PARD3B: variants seen among roughly 807,000 people sequenced by gnomAD.
The protein encoded by PARD3B is partitioning defective 3 homolog B.
Under a neutral mutation model 130.2 loss-of-function variants are expected in PARD3B, and 103 were observed. The ratio of observed to expected loss-of-function variants is 0.79; its 90% CI spans 0.67 to 0.93. PARD3B has a LOEUF of 0.93. PARD3B is among the 40% of genes least tolerant of loss of function. The pLI is 0.00. For synonymous variants in PARD3B, 583 were observed against 553.2 expected, an observed-to-expected ratio of 1.05 and a Z score of -0.76; for missense variants, 1,609 against 1,499.2, an observed-to-expected ratio of 1.07 and a Z score of -1.21.
intron 20 of PARD3B, among the ~76,000 whole-genome samples, chr2:205,491,275 A>G (rs1444636059): frequency 1.3e-5 from 2 of 152,106 alleles, no homozygotes; most frequent in East Asian, 3.9e-4. Context: ...ATCTTGAATT[A>G]ATTTTTGTAT....
In PARD3B at chr2:205,011,841, T is replaced by C. The variant is rs778292859; in HGVS notation, c.395-35740T>C. ...GCATCACACTCAGCCTCTGCAGTTA[T>C]GCCTGGCATCATTTAGATCAGAATT... is the stretch of plus-strand genomic sequence containing the variant. On this transcript the variant is annotated intron_variant, in intron 3 of 22. Coordinates refer to ENST00000406610, the MANE Select transcript of PARD3B (RefSeq NM_001302769.2). This position sits in a 1 kb window ranked among gnomAD's most constrained non-coding sequence, Gnocchi z 4.1. Among the ~76,000 whole-genome samples, 14 of 152,032 alleles carry C rather than the reference T, an allele frequency of 9.2e-5. No homozygotes were observed. The highest frequency in any genetic ancestry group is 1.9e-4 in the East Asian group (1 of 5,170).
chr2:204,830,153 TGG>T (rs1256392260), intron 2 of PARD3B, among the ~76,000 whole-genome samples: 2 of 152,174 alleles, frequency 1.3e-5, no homozygotes, highest in Non-Finnish European at 2.9e-5. Flanking sequence ...GTGTAGCCTG[TGG>T]AACCGTAAGT....
chr2:204,710,059 CCTGT>C (rs1326078979), intron 2 of PARD3B, among the ~76,000 whole-genome samples: 3 of 152,118 alleles, frequency 2.0e-5, no homozygotes, highest in South Asian at 2.1e-4. Context: ...CGTAGAGTTA[CCTGT>C]CTATTTAATA....
rs191035051 is a variant in PARD3B at position 204,613,244 on chromosome 2, A to G, written c.120+67125A>G. ...TACAAAGGTTTGAAATTCTAGGTTG[A>G]AGTCATTCTCTTTCAGAATTTTGAA... On this transcript the variant is annotated intron_variant, in intron 1 of 22. Coordinates refer to ENST00000406610, the MANE Select transcript of PARD3B (RefSeq NM_001302769.2). 2.6e-5 allele frequency among the ~76,000 whole-genome samples: 4 copies of G among 152,256 alleles called. No homozygotes were observed. The East Asian group carries it at 7.7e-4, about 29-fold the overall frequency.
At chr2:205,306,881 T>C (rs1450953936) in intron 18 of PARD3B, among the ~76,000 whole-genome samples, 1 of 152,232 alleles carries the variant, frequency 6.6e-6, no homozygotes, top group African/African-American at 2.4e-5. Context: ...TCAGATGCTA[T>C]TGACTTAGTT....
At chr2:204,843,301 C>G (rs190773283) in intron 2 of PARD3B, among the ~76,000 whole-genome samples, 89 of 152,290 alleles carry the variant, frequency 5.8e-4, no homozygotes, top group African/African-American at 2.1e-3. Context: ...AATCTTCCAT[C>G]CAATTCTGTA....
intron 21 of PARD3B, among the ~76,000 whole-genome samples, chr2:205,519,526 A>C (rs1192598002): frequency 6.6e-6 from 1 of 152,168 alleles, no homozygotes. Context: ...TTGCCATCCT[A>C]CTGAATCTCG....
At chr2:205,522,484 G>A (rs1201481340) in intron 21 of PARD3B, among the ~76,000 whole-genome samples, 1 of 151,578 alleles carries the variant, frequency 6.6e-6, no homozygotes, top group African/African-American at 2.4e-5. Context: ...CATAATATAT[G>A]GTAACTATTG....
At position 204,955,159 on chromosome 2, in the gene PARD3B, C is replaced by T. The variant is rs74722803; in HGVS notation, c.223-9993C>T. 2.4e-3 allele frequency among the ~76,000 whole-genome samples: 371 copies of T among 152,216 alleles called. 1 individual carries two copies. The highest frequency in any genetic ancestry group is 4.0e-3 in the Admixed American group (61 of 15,280). On this transcript the variant is annotated intron_variant, in intron 2 of 22. Coordinates refer to ENST00000406610, the MANE Select transcript of PARD3B (RefSeq NM_001302769.2). Reference sequence around the variant, plus strand: ...TGCAGTCATTAGTACAAATAAGCAGCGTTCTTCTAACAGTCAGCCATCGTA... The same window carrying T: ...TGCAGTCATTAGTACAAATAAGCAGTGTTCTTCTAACAGTCAGCCATCGTA...
chr2:204,932,661 C>A (rs1402379761), intron 2 of PARD3B, among the ~76,000 whole-genome samples: 1 of 152,076 alleles, frequency 6.6e-6, no homozygotes, highest in South Asian at 2.1e-4. Context: ...AATAAACATT[C>A]TTTGGAAGTA....
intron 18 of PARD3B, among the ~76,000 whole-genome samples, chr2:205,391,593 A>T (rs1343762958): frequency 6.6e-6 from 1 of 152,242 alleles, no homozygotes; most frequent in East Asian, 1.9e-4. Flanking sequence ...CATCTGAGTC[A>T]CTAAGGCTCT....
At position 204,859,074 on chromosome 2, in the gene PARD3B, A is replaced by G. The variant is rs1171502907; in HGVS notation, c.223-106078A>G. Among the ~76,000 whole-genome samples the G allele has an allele frequency of 2.0e-5, 3 of 152,134 alleles. No individual in the cohort carries two copies. The East Asian group carries it at 5.8e-4, about 29-fold the overall frequency. On this transcript the variant is annotated intron_variant, in intron 2 of 22. Coordinates refer to ENST00000406610, the MANE Select transcript of PARD3B (RefSeq NM_001302769.2). ...AAATCTTAGATGTGAATACTTTTAC[A>G]TGATGTTTATTAAATATAGTATGCT...
chr2:205,152,190 C>T (rs185297393), intron 10 of PARD3B, among the ~76,000 whole-genome samples: 1 of 152,294 alleles, frequency 6.6e-6, no homozygotes, highest in East Asian at 1.9e-4. Context: ...CTGCCCTTAA[C>T]ATTTTTTCCT....
chr2:205,216,461 G>C (rs1229077576), intron 15 of PARD3B, among the ~76,000 whole-genome samples: 1 of 151,978 alleles, frequency 6.6e-6, no homozygotes, highest in Non-Finnish European at 1.5e-5. Flanking sequence ...TTTTTTATAT[G>C]TTTCTGTATA....
chr2:205,026,558 C>A (rs1439609550), intron 3 of PARD3B, among the ~76,000 whole-genome samples: 1 of 152,030 alleles, frequency 6.6e-6, no homozygotes, highest in Non-Finnish European at 1.5e-5. Context: ...TAAAAATCTT[C>A]TGTCATCAAA....
intron 2 of PARD3B, among the ~76,000 whole-genome samples, chr2:204,914,558 G>T (rs191437072): frequency 6.6e-6 from 1 of 152,180 alleles, no homozygotes; most frequent in Non-Finnish European, 1.5e-5. Context: ...AATCTCCAAT[G>T]AAGGGAGTAG....
At chr2:205,249,064 T>C (rs181982294) in intron 16 of PARD3B, among the ~76,000 whole-genome samples, 1 of 144,756 alleles carries the variant, frequency 6.9e-6, no homozygotes, top group East Asian at 2.1e-4. Context: ...GGCTGGAGTG[T>C]AGTGGCACGA....
intron 2 of PARD3B, among the ~76,000 whole-genome samples, chr2:204,848,522 T>C (rs2044561447): frequency 6.6e-6 from 1 of 152,098 alleles, no homozygotes; most frequent in South Asian, 2.1e-4. Context: ...TACATGCCTG[T>C]AGTTCCAGCT....
intron 2 of PARD3B, among the ~76,000 whole-genome samples, chr2:204,937,568 T>C (rs900095439): frequency 1.3e-5 from 2 of 152,166 alleles, no homozygotes; most frequent in African/African-American, 2.4e-5. Context: ...TATCAAAAAA[T>C]TATGTGTGCA....
Sources: gnomAD v4.1 joint callset for allele counts (sites outside exome capture counted in the v4.1 genomes callset) on GRCh38, gnomAD v4.1.1 for gene constraint, Gnocchi (gnomAD v3.1) non-coding constraint, MANE v1.5 for transcripts, NCBI Gene and HGNC (gene_info 2026-07-23, HGNC 2026-07-21) for gene names.